Variants in PRKCB observed in about 807,000 individuals in gnomAD.
PRKCB encodes the protein protein kinase C beta.
A neutral mutation model predicts 81.5 loss-of-function variants in PRKCB; 13 were observed. The ratio of observed to expected loss-of-function variants is 0.16; its 90% CI spans 0.10 to 0.25. The LOEUF (loss-of-function observed/expected upper bound fraction) is 0.25, where lower values mean the gene tolerates loss of function less well. Among genes scored for constraint, PRKCB ranks in the 10% least tolerant of loss-of-function variants. The probability of loss-of-function intolerance (pLI) is 1.00; values close to 1 mark genes in which losing one functional copy is unlikely to be tolerated. For missense variants in PRKCB, 509 were observed against 875.7 expected (o/e 0.58, Z 5.29); for synonymous variants, 335 against 321.4 (o/e 1.04, Z -0.45).
intron 16 of PRKCB, among the ~76,000 whole-genome samples, chr16:24,209,118 T>C (rs1968094305): frequency 6.6e-6 from 1 of 151,950 alleles, no homozygotes; most frequent in Admixed American, 6.6e-5. Context: ...GGATGGGAAA[T>C]TGATGGTTTT....
intron 5 of PRKCB, among the ~76,000 whole-genome samples, chr16:24,038,544 G>A (rs543640101): frequency 6.6e-6 from 1 of 152,260 alleles, no homozygotes; most frequent in Non-Finnish European, 1.5e-5. Flanking sequence ...TGGGCCTCTG[G>A]CCCCATGTCA....
chr16:24,077,240 G>A (rs1447376601), intron 5 of PRKCB, among the ~76,000 whole-genome samples: 1 of 151,984 alleles, frequency 6.6e-6, no homozygotes, highest in Non-Finnish European at 1.5e-5. Flanking sequence ...TGTGGGATGG[G>A]GCAGATTCAG....
Position 24,217,206 on chromosome 16 carries a change from C to T in PRKCB, c.*2390C>T, listed in dbSNP as rs1968242690. ...GGAATATAGTGTTATAAATACTGCA[C>T]TCAACATTTTCCAAATTCTTGCCAT... On this transcript the variant is annotated 3_prime_UTR_variant, in exon 17 of 17. Coordinates refer to ENST00000643927, the MANE Select transcript of PRKCB (RefSeq NM_002738.7). 11 of 984,894 alleles carry T rather than the reference C, an allele frequency of 1.1e-5. No individual in the cohort carries two copies. The South Asian group carries it at 3.8e-4, about 34-fold the overall frequency. 61.0% of individuals were successfully genotyped at this position (984,894 alleles called of 1,614,324 possible). A position where few individuals can be genotyped will look rare whatever the true frequency, so the allele number is the denominator to read the frequency against.
chr16:23,975,522 A>C (rs1159708959), intron 2 of PRKCB, among the ~76,000 whole-genome samples: 1 of 152,206 alleles, frequency 6.6e-6, no homozygotes, highest in East Asian at 1.9e-4. Flanking sequence ...ACTCATGGGC[A>C]CAGTAGACCT....
At chr16:24,111,458 G>A (rs1014687492) in intron 7 of PRKCB, 60 of 151,838 alleles carry the variant, frequency 4.0e-4, no homozygotes, top group African/African-American at 1.4e-3. Flanking sequence ...AATCTTTGTG[G>A]TCAAGAAACA....
At chr16:24,059,474 A>G (rs911575895) in intron 5 of PRKCB, among the ~76,000 whole-genome samples, 1 of 152,060 alleles carries the variant, frequency 6.6e-6, no homozygotes, top group African/African-American at 2.4e-5. Context: ...CCTGGATGAT[A>G]AAGGGAGACT....
intron 2 of PRKCB, among the ~76,000 whole-genome samples, chr16:23,844,442 A>G (rs1962327906): frequency 6.6e-6 from 1 of 152,054 alleles, no homozygotes; most frequent in Non-Finnish European, 1.5e-5. Context: ...CTCTCTATTC[A>G]TCATCCGTTT....
In PRKCB at chr16:24,001,756, AC is replaced by A. The variant is rs561107168; in HGVS notation, c.288+13168del. 3.9e-5 allele frequency among the ~76,000 whole-genome samples: 6 copies of A among 152,332 alleles called. No individual in the cohort carries two copies. In the South Asian group the frequency reaches 1.2e-3, roughly 32 times the overall value. On this transcript the variant is annotated intron_variant, in intron 3 of 16. Coordinates refer to ENST00000643927, the MANE Select transcript of PRKCB (RefSeq NM_002738.7). ...AGAATTTCTGTTCATTTAAAATTGT[AC>A]CTGATTACAAAGAAGAAATAAACCT...
At chr16:24,122,074 T>A (rs146431403) in intron 8 of PRKCB, among the ~76,000 whole-genome samples, 6 of 152,308 alleles carry the variant, frequency 3.9e-5, no homozygotes, top group Non-Finnish European at 5.9e-5. Flanking sequence ...TGTAAGATGG[T>A]GACAAGTGTT....
intron 10 of PRKCB, among the ~76,000 whole-genome samples, chr16:24,160,905 CAT>C (rs1421251657): frequency 6.6e-6 from 1 of 152,098 alleles, no homozygotes; most frequent in African/African-American, 2.4e-5. Context: ...ATGCCCGCGG[CAT>C]GAGCATGCTC....
chr16:24,127,952 A>C (rs60717156), intron 9 of PRKCB, among the ~76,000 whole-genome samples: 5,596 of 152,290 alleles, frequency 0.037, 355 homozygotes, highest in African/African-American at 0.13. Context: ...ATCAATCTCC[A>C]TAAACAGAAG....
At chr16:23,932,242 T>A (rs914109753) in intron 2 of PRKCB, among the ~76,000 whole-genome samples, 3 of 152,190 alleles carry the variant, frequency 2.0e-5, no homozygotes, top group Non-Finnish European at 4.4e-5. Flanking sequence ...TGTGAGATAA[T>A]CAAGGAGAAG....
At chr16:23,953,290 C>T (rs1415865216) in intron 2 of PRKCB, among the ~76,000 whole-genome samples, 4 of 152,266 alleles carry the variant, frequency 2.6e-5, no homozygotes, top group East Asian at 1.9e-4. Flanking sequence ...ATATTGACTT[C>T]GGGGCTGACA....
intron 9 of PRKCB, among the ~76,000 whole-genome samples, chr16:24,129,848 C>T (rs1966850755): frequency 6.6e-6 from 1 of 152,210 alleles, no homozygotes; most frequent in African/African-American, 2.4e-5. Flanking sequence ...GTAATATACT[C>T]ATGGTCCCTG....
chr16:24,212,435 C>T (rs1302026997), intron 16 of PRKCB, among the ~76,000 whole-genome samples: 2 of 141,896 alleles, frequency 1.4e-5, no homozygotes, highest in Non-Finnish European at 3.1e-5. Flanking sequence ...TTTTTCAAGA[C>T]CTCTCTCCTC....
At chr16:24,106,106 A>G (rs1353713978) in intron 7 of PRKCB, among the ~76,000 whole-genome samples, 4 of 79,630 alleles carry the variant, frequency 5.0e-5, no homozygotes, top group Non-Finnish European at 1.1e-4. Context: ...TACAAAAAAA[A>G]AGCAAAAAAC....
intron 13 of PRKCB, among the ~76,000 whole-genome samples, chr16:24,183,433 G>A: frequency 6.6e-6 from 1 of 152,070 alleles, no homozygotes; most frequent in East Asian, 1.9e-4. Context: ...TAAGTCTCTT[G>A]AATTTATTCC....
intron 9 of PRKCB, among the ~76,000 whole-genome samples, chr16:24,135,499 G>A (rs1321035194): frequency 6.6e-6 from 1 of 151,760 alleles, no homozygotes; most frequent in African/African-American, 2.4e-5. Flanking sequence ...TTTTAATAGA[G>A]ACAGGGTTTC....
Position 24,218,916 on chromosome 16 carries a change from A to G in PRKCB, c.*4100A>G, listed in dbSNP as rs11865035. On this transcript the variant is annotated 3_prime_UTR_variant, in exon 17 of 17. Transcript: ENST00000643927. Reference sequence around the variant, plus strand: ...CTACATAGCAGCGATGTGGTCAGGTAAAAATCAGGAACCCACTGAAATCTT... The same window carrying G: ...CTACATAGCAGCGATGTGGTCAGGTGAAAATCAGGAACCCACTGAAATCTT... 1.8e-4 allele frequency: 178 copies of G among 985,452 alleles called. No individual in the cohort carries two copies. In the African/African-American group the frequency reaches 2.7e-3, roughly 15 times the overall value. 61.0% of individuals were successfully genotyped at this position (985,452 alleles called of 1,614,324 possible).
Sources: gnomAD v4.1 joint callset for allele counts (sites outside exome capture counted in the v4.1 genomes callset) on GRCh38, gnomAD v4.1.1 for gene constraint, MANE v1.5 for transcripts, NCBI Gene and HGNC (gene_info 2026-07-23, HGNC 2026-07-21) for gene names.